CMC1: variants seen among roughly 807,000 people sequenced by gnomAD.
The protein encoded by CMC1 is COX assembly mitochondrial protein homolog.
Under a neutral mutation model 14.1 loss-of-function variants are expected in CMC1, and 14 were observed. That is an observed-to-expected ratio of 0.99 (90% CI 0.66 to 1.55). The LOEUF (loss-of-function observed/expected upper bound fraction) is 1.55. Among genes scored for constraint, CMC1 ranks in the 40% most tolerant of loss-of-function variants. The pLI is 0.00. For missense variants in CMC1, 127 were observed against 123.8 expected, an observed-to-expected ratio of 1.03 and a Z score of -0.12; for synonymous variants, 50 against 38.4, an observed-to-expected ratio of 1.30 and a Z score of -1.12.
In CMC1 at chr3:28,309,011, C is replaced by T. The variant is rs148067678; in HGVS notation, c.110-7322C>T. Among the ~76,000 whole-genome samples, 1,044 of 151,860 alleles carry T rather than the reference C, an allele frequency of 6.9e-3. 10 individuals are homozygous for T. Among genetic ancestry groups the T allele is most frequent in the Non-Finnish European group, 8.5e-3 (577 of 67,918 alleles). ...AAAAATAAATAAATAAATAAATAAG[C>T]CTGCAAAACTAAAATTGGGTCTAGT... is the stretch of plus-strand genomic sequence containing the variant. On this transcript the variant is annotated intron_variant, in intron 2 of 3. Coordinates refer to ENST00000466830, the MANE Select transcript of CMC1 (RefSeq NM_182523.2).
At chr3:28,253,525 G>A (rs1453681060) in intron 1 of CMC1, among the ~76,000 whole-genome samples, 1 of 152,074 alleles carries the variant, frequency 6.6e-6, no homozygotes, top group Non-Finnish European at 1.5e-5. Context: ...AAGCTGCAGT[G>A]AGCTGTGATC....
At chr3:28,289,746 ATTG>A (rs1701373187) in intron 2 of CMC1, among the ~76,000 whole-genome samples, 2 of 152,022 alleles carry the variant, frequency 1.3e-5, no homozygotes, top group African/African-American at 2.4e-5. Flanking sequence ...TTTGCATTTT[ATTG>A]TTGTGGGGGA....
chr3:28,316,693 A>G (rs1212899886), intron 3 of CMC1: 2 of 232,684 alleles, frequency 8.6e-6, no homozygotes, highest in South Asian at 3.0e-4. Flanking sequence ...ATCTTTTTTC[A>G]TGAACAGTTT....
intron 2 of CMC1, among the ~76,000 whole-genome samples, chr3:28,310,937 T>C (rs971799389): frequency 6.6e-6 from 1 of 152,206 alleles, no homozygotes. Context: ...GAGAATCTAA[T>C]GCTGCTGCTG....
In CMC1 at chr3:28,253,036, T is replaced by A. The variant is rs186243499; in HGVS notation, c.20-10255T>A. On this transcript the variant is annotated intron_variant, in intron 1 of 3. Transcript: ENST00000466830. ...GAAGGTGAATTTTCCTATTTTAAGA[T>A]GTCTCTTCGTCTACCCTTCCTCATT... is the stretch of plus-strand genomic sequence containing the variant. Among the ~76,000 whole-genome samples the A allele has an allele frequency of 1.7e-3, 264 of 152,290 alleles. 1 individual carries two copies. The highest frequency in any genetic ancestry group is 6.2e-3 in the African/African-American group (258 of 41,574).
intron 1 of CMC1, among the ~76,000 whole-genome samples, chr3:28,243,001 A>G (rs1036812840): frequency 2.0e-5 from 3 of 152,050 alleles, no homozygotes; most frequent in Non-Finnish European, 2.9e-5. Flanking sequence ...GGGGTAGAGT[A>G]TAAGTGAGGG....
intron 2 of CMC1, among the ~76,000 whole-genome samples, chr3:28,283,335 G>A (rs533492650): frequency 1.5e-4 from 23 of 151,598 alleles, no homozygotes; most frequent in African/African-American, 4.8e-4. Context: ...CCAACATGGC[G>A]AAACCCCATC....
At chr3:28,249,404 C>A (rs1258366176) in intron 1 of CMC1, among the ~76,000 whole-genome samples, 1 of 152,140 alleles carries the variant, frequency 6.6e-6, no homozygotes, top group South Asian at 2.1e-4. Context: ...TTTAAATATA[C>A]GTGTCATTTG....
chr3:28,290,388 G>A (rs992551909), intron 2 of CMC1, among the ~76,000 whole-genome samples: 2 of 152,044 alleles, frequency 1.3e-5, no homozygotes, highest in African/African-American at 4.8e-5. Context: ...ATATAATATT[G>A]TCAGGTCGTA....
intron 2 of CMC1, among the ~76,000 whole-genome samples, chr3:28,264,985 T>G (rs115409886): frequency 0.018 from 2,717 of 152,250 alleles, 81 homozygotes; most frequent in African/African-American, 0.06. Context: ...AATGAAAGCG[T>G]AGAGTATAAC....
chr3:28,305,162 A>G (rs1702242958), intron 2 of CMC1, among the ~76,000 whole-genome samples: 1 of 152,072 alleles, frequency 6.6e-6, no homozygotes, highest in South Asian at 2.1e-4. Context: ...TTTAGCTCCT[A>G]CTTGTAAGTG....
At chr3:28,310,987 G>A (rs1345454900) in intron 2 of CMC1, among the ~76,000 whole-genome samples, 2 of 152,174 alleles carry the variant, frequency 1.3e-5, no homozygotes, top group African/African-American at 2.4e-5. Context: ...ATGCTCCCTC[G>A]CCAGACGCTC....
chr3:28,286,851 A>G (rs1266946203), intron 2 of CMC1, among the ~76,000 whole-genome samples: 1 of 152,102 alleles, frequency 6.6e-6, no homozygotes, highest in Non-Finnish European at 1.5e-5. Context: ...GGGGAAGGGT[A>G]GATCTGCTGA....
chr3:28,256,852 GT>G (rs1349962211), intron 1 of CMC1, among the ~76,000 whole-genome samples: 3 of 152,138 alleles, frequency 2.0e-5, no homozygotes, highest in African/African-American at 7.2e-5. Context: ...ATGCAAAACT[GT>G]TTCTGATTGT....
At chr3:28,243,176 C>T (rs1382726370) in intron 1 of CMC1, among the ~76,000 whole-genome samples, 1 of 152,138 alleles carries the variant, frequency 6.6e-6, no homozygotes, top group Non-Finnish European at 1.5e-5. Context: ...CCACCGCAGC[C>T]TCCTGAGTAG....
At chr3:28,267,067 C>G (rs1424933294) in intron 2 of CMC1, among the ~76,000 whole-genome samples, 2 of 152,064 alleles carry the variant, frequency 1.3e-5, no homozygotes, top group Non-Finnish European at 2.9e-5. Flanking sequence ...GAGTTAGCAC[C>G]TTGTGTCTTA....
At chr3:28,246,879 C>T (rs1166431283) in intron 1 of CMC1, among the ~76,000 whole-genome samples, 2 of 150,926 alleles carry the variant, frequency 1.3e-5, no homozygotes, top group Admixed American at 6.6e-5. Context: ...CCAGCACACT[C>T]CCTTCACATT....
rs1699492326 is a variant in CMC1, at chr3:28,257,752, C to T, written c.20-5539C>T. On this transcript the variant is annotated intron_variant, in intron 1 of 3. Coordinates refer to ENST00000466830, the MANE Select transcript of CMC1 (RefSeq NM_182523.2). Reference sequence around the variant, plus strand: ...CAGGATGGTCTCGATCTCTTGACCTCGTGATCTGCCCGCCTCGGCCTCCTA... The same window carrying T: ...CAGGATGGTCTCGATCTCTTGACCTTGTGATCTGCCCGCCTCGGCCTCCTA... Among the ~76,000 whole-genome samples the T allele has an allele frequency of 2.0e-5, 3 of 152,060 alleles. No homozygotes were observed. In the South Asian group the frequency reaches 6.2e-4, roughly 32 times the overall value.
At chr3:28,288,177 G>A (rs1701289619) in intron 2 of CMC1, among the ~76,000 whole-genome samples, 1 of 151,848 alleles carries the variant, frequency 6.6e-6, no homozygotes, top group Admixed American at 6.6e-5. Flanking sequence ...GTAGTTTCCT[G>A]TGTAAAATGA....
Sources: allele counts gnomAD v4.1 joint callset (sites outside exome capture counted in the v4.1 genomes callset), GRCh38; gene constraint gnomAD v4.1.1; transcripts MANE v1.5; gene names NCBI Gene and HGNC (gene_info 2026-07-23, HGNC 2026-07-21).